SEZ6: variants seen among roughly 807,000 people sequenced by gnomAD.
SEZ6 encodes seizure protein 6 homolog.
In SEZ6, 53 loss-of-function variants were observed where a neutral mutation model predicts 101.0. The observed-to-expected ratio is 0.52, with a 90% CI of 0.42 to 0.66. SEZ6 has a LOEUF of 0.66. Among genes scored for constraint, SEZ6 ranks in the 30% least tolerant of loss-of-function variants. The pLI, the probability that SEZ6 is intolerant of heterozygous loss-of-function variation, is 0.00. For synonymous variants in SEZ6, 488 were observed against 512.2 expected, an observed-to-expected ratio of 0.95 and a Z score of 0.64; for missense variants, 1,102 against 1,289.4, an observed-to-expected ratio of 0.85 and a Z score of 2.23.
chr17:28,995,332 G>C (rs565526322), intron 1 of SEZ6, among the ~76,000 whole-genome samples: 5 of 152,038 alleles, frequency 3.3e-5, no homozygotes, highest in African/African-American at 1.2e-4. Context: ...GTGTCTCTGT[G>C]TGTGTGCATG....
intron 1 of SEZ6, among the ~76,000 whole-genome samples, chr17:28,990,800 T>C (rs1293658512): frequency 6.6e-6 from 1 of 151,848 alleles, no homozygotes; most frequent in African/African-American, 2.4e-5. Flanking sequence ...AATAATATAA[T>C]AATAATAAAA....
intron 1 of SEZ6, among the ~76,000 whole-genome samples, chr17:28,991,611 A>C (rs2041459689): frequency 1.3e-5 from 2 of 152,330 alleles, no homozygotes; most frequent in South Asian, 2.1e-4. Context: ...TCAGTGAGGA[A>C]GAGCCCAGGG....
At chr17:28,982,662 T>C (rs2041326171) in intron 1 of SEZ6, among the ~76,000 whole-genome samples, 1 of 152,154 alleles carries the variant, frequency 6.6e-6, no homozygotes, top group African/African-American at 2.4e-5. Context: ...TTTTTTTGTT[T>C]GTTGGTTTTG....
At position 28,981,672 on chromosome 17, in the gene SEZ6, AC is replaced by A; in HGVS notation, c.422del (p.Ser141IlefsTer26). The stretch of plus-strand genomic sequence containing the variant: ...GAAGCATAGGGGACTCTGACTCCGG[AC>A]TCCAGGGTCCCTCCTTGGACTGGGG... Reference protein sequence around the residue: ...TQPQSKEGPWSPESESPMLRI... With the variant: ...TQPQSKEGPWXPESESPMLRI... On this transcript the variant is annotated frameshift_variant, in exon 2 of 17. Coordinates refer to ENST00000317338, the MANE Select transcript of SEZ6 (RefSeq NM_178860.5). LOFTEE classifies it high-confidence loss of function. The A allele has an allele frequency of 6.4e-7, 1 of 1,574,282 alleles. No individual in the cohort carries two copies. The highest frequency in any genetic ancestry group is 8.6e-7 in the Non-Finnish European group (1 of 1,156,114).
chr17:29,005,591 A>G lies in SEZ6; in HGVS notation c.55+224T>C, dbSNP rs2041677303. On this transcript the variant is annotated intron_variant, in intron 1 of 16. Coordinates refer to ENST00000317338, the MANE Select transcript of SEZ6 (RefSeq NM_178860.5). The surrounding 1 kb of genome is among the most constrained non-coding windows in gnomAD (Gnocchi z 4.8). The stretch of plus-strand genomic sequence containing the variant: ...CCATTAGATCTGGGGAGATGATTAA[A>G]GACGAGGTCTCGGCCGGGCGCGAAT... Among the ~76,000 whole-genome samples the G allele has an allele frequency of 1.3e-5, 2 of 151,954 alleles. No individual in the cohort carries two copies. The highest frequency in any genetic ancestry group is 4.1e-4 in the South Asian group (2 of 4,830).
intron 1 of SEZ6, among the ~76,000 whole-genome samples, chr17:28,997,265 C>G (rs1041558627): frequency 2.0e-5 from 3 of 152,126 alleles, no homozygotes; most frequent in Admixed American, 6.5e-5. Flanking sequence ...CCCGGAGATG[C>G]CCCCTTTGCC....
chr17:28,955,800 G>T lies in SEZ6; in HGVS notation c.*162C>A. ...AAGAAAATAGGCCATGGTGGGCATCGCAGGCGGGGAAGGGCACAACTTCTT... is the reference window on the plus strand; with the variant it reads ...AAGAAAATAGGCCATGGTGGGCATCTCAGGCGGGGAAGGGCACAACTTCTT... On this transcript the variant is annotated 3_prime_UTR_variant, in exon 17 of 17. Coordinates refer to ENST00000317338, the MANE Select transcript of SEZ6 (RefSeq NM_178860.5). The T allele has an allele frequency of 1.2e-6, 1 of 832,006 alleles. No homozygotes were observed. The highest frequency in any genetic ancestry group is 2.0e-6 in the Non-Finnish European group (1 of 496,224). 51.5% of individuals were successfully genotyped at this position (832,006 alleles called of 1,614,324 possible). A position where few individuals can be genotyped will look rare whatever the true frequency, so the allele number is the denominator to read the frequency against.
chr17:28,960,098 C>T (rs2040951732), intron 7 of SEZ6: 2 of 618,540 alleles, frequency 3.2e-6, no homozygotes, highest in East Asian at 5.6e-5. Flanking sequence ...TCTTGATTAC[C>T]ATCCTGTTCC....
intron 11 of SEZ6, 114 bp from the exon 12 acceptor site, chr17:28,957,653 C>T (rs760163494): frequency 8.7e-7 from 1 of 1,149,512 alleles, no homozygotes; most frequent in Admixed American, 2.4e-5. Flanking sequence ...GGTCTACCCC[C>T]TACGTATCTG....
intron 1 of SEZ6, among the ~76,000 whole-genome samples, chr17:28,983,650 C>T (rs1289313781): frequency 6.6e-6 from 1 of 151,970 alleles, no homozygotes; most frequent in Non-Finnish European, 1.5e-5. Context: ...AAGAAAAGGT[C>T]AATGAATGCT....
chr17:29,000,564 T>G (rs552355232), intron 1 of SEZ6, among the ~76,000 whole-genome samples: 2 of 152,208 alleles, frequency 1.3e-5, no homozygotes, highest in Non-Finnish European at 2.9e-5. Context: ...TTAGGAGTTG[T>G]GGACCTGAAT....
intron 5 of SEZ6, among the ~76,000 whole-genome samples, chr17:28,962,843 G>A (rs1462632270): frequency 2.0e-5 from 3 of 150,904 alleles, no homozygotes; most frequent in East Asian, 2.0e-4. Flanking sequence ...GAAAAAGCCC[G>A]GCCAGGCACG....
chr17:28,955,803 G>A lies in SEZ6; in HGVS notation c.*159C>T, dbSNP rs1469887901. On this transcript the variant is annotated 3_prime_UTR_variant, in exon 17 of 17. Coordinates refer to ENST00000317338, the MANE Select transcript of SEZ6 (RefSeq NM_178860.5). Reference sequence around the variant, plus strand: ...AAAATAGGCCATGGTGGGCATCGCAGGCGGGGAAGGGCACAACTTCTTGAG... The same window carrying A: ...AAAATAGGCCATGGTGGGCATCGCAAGCGGGGAAGGGCACAACTTCTTGAG... The A allele has an allele frequency of 1.2e-6, 1 of 853,668 alleles. No homozygotes were observed. The highest frequency in any genetic ancestry group is 1.9e-6 in the Non-Finnish European group (1 of 514,882). The allele number at this position is 853,668 out of a possible 1,614,324, so 52.9% of individuals were successfully genotyped here.
At chr17:28,991,460 C>T (rs1237296610) in intron 1 of SEZ6, among the ~76,000 whole-genome samples, 3 of 152,232 alleles carry the variant, frequency 2.0e-5, no homozygotes, top group Admixed American at 6.5e-5. Context: ...CCTGCCTCGG[C>T]CTCCCAAAGT....
intron 3 of SEZ6, among the ~76,000 whole-genome samples, chr17:28,977,385 C>T (rs1259836915): frequency 1.3e-5 from 2 of 152,396 alleles, no homozygotes; most frequent in East Asian, 3.9e-4. Flanking sequence ...TCCGGGCCGA[C>T]AGTGTCCCCA....
intron 10 of SEZ6, among the ~76,000 whole-genome samples, chr17:28,958,712 C>A (rs1197799754): frequency 6.6e-6 from 1 of 151,906 alleles, no homozygotes; most frequent in African/African-American, 2.4e-5. Context: ...ATCGCTTGAG[C>A]CCAGGAGGTG....
chr17:28,965,621 A>T (rs2041053195), intron 4 of SEZ6, among the ~76,000 whole-genome samples: 1 of 152,188 alleles, frequency 6.6e-6, no homozygotes, highest in Admixed American at 6.5e-5. Flanking sequence ...CCTAGGTGAC[A>T]GAGTGAGTCC....
At chr17:28,982,696 C>T (rs1254082291) in intron 1 of SEZ6, among the ~76,000 whole-genome samples, 3 of 151,920 alleles carry the variant, frequency 2.0e-5, no homozygotes, top group South Asian at 2.1e-4. Context: ...CTGTGTGGCC[C>T]GGGCTGCAAT....
intron 5 of SEZ6, among the ~76,000 whole-genome samples, chr17:28,963,318 A>G (rs553286161): frequency 6.6e-6 from 1 of 152,176 alleles, no homozygotes; most frequent in African/African-American, 2.4e-5. Flanking sequence ...TCATTCCCCA[A>G]ATCACAATCT....
Sources: allele counts gnomAD v4.1 joint callset (sites outside exome capture counted in the v4.1 genomes callset), GRCh38; gene constraint gnomAD v4.1.1; non-coding constraint Gnocchi (gnomAD v3.1); transcripts MANE v1.5; gene names NCBI Gene and HGNC (gene_info 2026-07-23, HGNC 2026-07-21).